Variants in FGGY observed in about 807,000 individuals in gnomAD.
FGGY encodes FGGY carbohydrate kinase domain-containing protein.
A neutral mutation model predicts 71.3 loss-of-function variants in FGGY; 72 were observed. That is an observed-to-expected ratio of 1.01 (90% CI 0.84 to 1.23). FGGY has a LOEUF of 1.23. Ranked by LOEUF, FGGY falls within the 50% of genes most tolerant of loss-of-function variation. The pLI is 0.00. For synonymous variants in FGGY, 251 were observed against 250.3 expected, an observed-to-expected ratio of 1.00 and a Z score of -0.02; for missense variants, 668 against 682.3, an observed-to-expected ratio of 0.98 and a Z score of 0.23.
intron 11 of FGGY, among the ~76,000 whole-genome samples, chr1:59,639,831 C>T (rs1341607022): frequency 6.6e-6 from 1 of 152,130 alleles, no homozygotes; most frequent in African/African-American, 2.4e-5. Flanking sequence ...TACCCAAATT[C>T]AGTACCCAGC....
At chr1:59,737,301 G>A (rs749738448) in intron 14 of FGGY, among the ~76,000 whole-genome samples, 12 of 152,214 alleles carry the variant, frequency 7.9e-5, no homozygotes, top group East Asian at 3.9e-4. Flanking sequence ...CTGGGGCACC[G>A]TCTAGTGGAG....
chr1:59,751,645 G>A (rs931161894), intron 14 of FGGY, among the ~76,000 whole-genome samples: 149 of 152,212 alleles, frequency 9.8e-4, no homozygotes, highest in Admixed American at 2.3e-3. Context: ...AAATGATTTT[G>A]TATGTGCCTA....
At chr1:59,638,624 G>A (rs2096986662) in intron 11 of FGGY, among the ~76,000 whole-genome samples, 1 of 152,222 alleles carries the variant, frequency 6.6e-6, no homozygotes, top group Admixed American at 6.5e-5. Context: ...TCTTTGTCCT[G>A]TGGAGTGGCT....
At chr1:59,677,899 T>G (rs2097452248) in intron 14 of FGGY, among the ~76,000 whole-genome samples, 1 of 151,384 alleles carries the variant, frequency 6.6e-6, no homozygotes, top group South Asian at 2.1e-4. Context: ...TCTCTCTCCC[T>G]TTAGACATCT....
chr1:59,409,600 A>G (rs754878920), intron 5 of FGGY, among the ~76,000 whole-genome samples: 1 of 56,862 alleles, frequency 1.8e-5, no homozygotes, highest in Admixed American at 1.7e-4. Flanking sequence ...AGAGTTTTTT[A>G]TATATATATA....
chr1:59,301,826 G>A (rs2042792840), intron 1 of FGGY, among the ~76,000 whole-genome samples: 5 of 146,132 alleles, frequency 3.4e-5, no homozygotes, highest in African/African-American at 1.3e-4. Flanking sequence ...CGATTCTCCT[G>A]CCTCAGCTTC....
intron 4 of FGGY, among the ~76,000 whole-genome samples, chr1:59,367,656 G>C (rs2056810126): frequency 2.0e-5 from 3 of 152,222 alleles, no homozygotes; most frequent in African/African-American, 7.2e-5. Flanking sequence ...TGTCACTGCA[G>C]TAGCTGCCTC....
In FGGY at chr1:59,340,086, T is replaced by G; in HGVS notation, c.313+17T>G. The G allele has an allele frequency of 6.4e-7, 1 of 1,571,024 alleles. No homozygotes were observed. Among genetic ancestry groups the G allele is most frequent in the East Asian group, 2.2e-5 (1 of 44,566 alleles). On this transcript the variant is annotated intron_variant, in intron 3 of 15. Coordinates refer to ENST00000303721, the MANE Select transcript of FGGY (RefSeq NM_018291.5). ...ACCAGGAAGGTAAGACCATGTCTCT[T>G]CCTTTTCCCAGTGGTGGGATACTTG...
chr1:59,326,651 G>A (rs1352859621), intron 2 of FGGY, among the ~76,000 whole-genome samples: 1 of 152,010 alleles, frequency 6.6e-6, no homozygotes, highest in Non-Finnish European at 1.5e-5. Context: ...ATTTTGCATG[G>A]AATATTATTC....
chr1:59,362,072 G>A (rs1006691276), intron 4 of FGGY, among the ~76,000 whole-genome samples: 1 of 152,120 alleles, frequency 6.6e-6, no homozygotes, highest in African/African-American at 2.4e-5. Context: ...TGGGGACATT[G>A]TCATGGTCCT....
chr1:59,536,299 T>A (rs1490757755), intron 7 of FGGY, among the ~76,000 whole-genome samples: 8 of 152,204 alleles, frequency 5.3e-5, no homozygotes, highest in Non-Finnish European at 1.0e-4. Flanking sequence ...AATCTCTGAA[T>A]AGACCAATAA....
At chr1:59,748,674 G>A (rs529283718) in intron 14 of FGGY, among the ~76,000 whole-genome samples, 21 of 152,312 alleles carry the variant, frequency 1.4e-4, no homozygotes, top group African/African-American at 3.8e-4. Flanking sequence ...TTGCAAGGAC[G>A]TGTTAAAAAA....
intron 5 of FGGY, among the ~76,000 whole-genome samples, chr1:59,397,962 C>T (rs1212152207): frequency 6.6e-6 from 1 of 152,092 alleles, no homozygotes; most frequent in Non-Finnish European, 1.5e-5. Context: ...CTGTAAAAAC[C>T]CATCCAGATC....
intron 10 of FGGY, among the ~76,000 whole-genome samples, chr1:59,637,205 A>G (rs565181369): frequency 1.9e-4 from 29 of 152,330 alleles, no homozygotes; most frequent in South Asian, 6.2e-4. Context: ...TAGGAGAGGT[A>G]GTATCAAGAT....
chr1:59,491,364 CTT>C (rs2093857297), intron 6 of FGGY, among the ~76,000 whole-genome samples: 2 of 151,568 alleles, frequency 1.3e-5, no homozygotes, highest in South Asian at 2.1e-4. Flanking sequence ...CATGGAATGT[CTT>C]TCCATTTATT....
chr1:59,477,490 T>C (rs1008860545), intron 6 of FGGY, among the ~76,000 whole-genome samples: 21 of 152,316 alleles, frequency 1.4e-4, no homozygotes, highest in Middle Eastern at 3.4e-3. Context: ...GTTTGCCTGC[T>C]GCTTAGACAG....
In FGGY at chr1:59,505,992, C is replaced by G. The variant is rs114066226; in HGVS notation, c.671-6319C>G. Among the ~76,000 whole-genome samples, 554 of 152,256 alleles carry G rather than the reference C, an allele frequency of 3.6e-3. 2 individuals carry two copies. Among genetic ancestry groups the G allele is most frequent in the African/African-American group, 0.012 (492 of 41,536 alleles). On this transcript the variant is annotated intron_variant, in intron 6 of 15. Coordinates refer to ENST00000303721, the MANE Select transcript of FGGY (RefSeq NM_018291.5). Reference sequence around the variant, plus strand: ...CCCATCCAAATGGGAATTCAGCAGACTTGAGCCTAAGAGCTCTCAGAGTGA... The same window carrying G: ...CCCATCCAAATGGGAATTCAGCAGAGTTGAGCCTAAGAGCTCTCAGAGTGA...
intron 14 of FGGY, among the ~76,000 whole-genome samples, chr1:59,685,589 G>T (rs1469048523): frequency 6.6e-6 from 1 of 152,104 alleles, no homozygotes; most frequent in South Asian, 2.1e-4. Context: ...TTCTGTATCA[G>T]GTAGGAGAAA....
At chr1:59,466,968 G>T (rs1355935973) in intron 6 of FGGY, among the ~76,000 whole-genome samples, 1 of 152,112 alleles carries the variant, frequency 6.6e-6, no homozygotes, top group Non-Finnish European at 1.5e-5. Flanking sequence ...TCCAGAACTA[G>T]AAATACCATT....
Sources: gnomAD v4.1 joint callset for allele counts (sites outside exome capture counted in the v4.1 genomes callset) on GRCh38, gnomAD v4.1.1 for gene constraint, MANE v1.5 for transcripts, NCBI Gene and HGNC (gene_info 2026-07-23, HGNC 2026-07-21) for gene names.